Variants in PRKDC observed in about 807,000 individuals in gnomAD.
PRKDC encodes the protein DNA-dependent protein kinase catalytic subunit.
A neutral mutation model predicts 486.9 loss-of-function variants in PRKDC; 82 were observed. That is an observed-to-expected ratio of 0.17 (90% CI 0.14 to 0.20). The LOEUF is 0.20. Ranked by LOEUF, PRKDC falls within the 10% of genes least tolerant of loss-of-function variation. PRKDC has a pLI of 1.00. For missense variants in PRKDC, 4,504 were observed against 5,038.2 expected, an observed-to-expected ratio of 0.89 and a Z score of 3.21; for synonymous variants, 1,895 against 1,837.0, an observed-to-expected ratio of 1.03 and a Z score of -0.81.
At chr8:47,851,700 G>A (rs1352067214) in intron 52 of PRKDC, among the ~76,000 whole-genome samples, 1 of 152,192 alleles carries the variant, frequency 6.6e-6, no homozygotes, top group African/African-American at 2.4e-5. Context: ...TGGACGAGGC[G>A]GGCAGGGGAG....
intron 85 of PRKDC, among the ~76,000 whole-genome samples, chr8:47,775,528 C>T (rs1422497974): frequency 4.6e-5 from 7 of 150,648 alleles, no homozygotes; most frequent in African/African-American, 7.3e-5. Context: ...TGAGCCACTG[C>T]GCCCAGCCCT....
chr8:47,832,316 T>G (rs915895952), intron 59 of PRKDC, among the ~76,000 whole-genome samples: 1 of 152,076 alleles, frequency 6.6e-6, no homozygotes, highest in Non-Finnish European at 1.5e-5. Flanking sequence ...ACCGCAACAC[T>G]CCTAACCCGT....
chr8:47,938,541 TA>T (rs2090391407), intron 11 of PRKDC, among the ~76,000 whole-genome samples: 1 of 152,046 alleles, frequency 6.6e-6, no homozygotes, highest in African/African-American at 2.4e-5. Flanking sequence ...AGGAAATAAC[TA>T]GGGTTATTCT....
chr8:47,918,652 A>T (rs1167034794), intron 21 of PRKDC, among the ~76,000 whole-genome samples: 1 of 152,236 alleles, frequency 6.6e-6, no homozygotes, highest in Non-Finnish European at 1.5e-5. Flanking sequence ...GCTCCCACGC[A>T]TCACACTCGG....
chr8:47,926,651 TTTTTC>T (rs1463707306), intron 21 of PRKDC, among the ~76,000 whole-genome samples: 2 of 152,226 alleles, frequency 1.3e-5, no homozygotes, highest in African/African-American at 4.8e-5. Context: ...GAAGTCCTAC[TTTTTC>T]TTTTCTTGAC....
chr8:47,891,932 G>A (rs1368749061), intron 31 of PRKDC, among the ~76,000 whole-genome samples: 1 of 151,896 alleles, frequency 6.6e-6, no homozygotes, highest in Non-Finnish European at 1.5e-5. Flanking sequence ...GCTCTGGTGC[G>A]ATCTCAGCTC....
intron 68 of PRKDC, among the ~76,000 whole-genome samples, chr8:47,814,513 T>A (rs759831630): frequency 2.0e-5 from 3 of 152,080 alleles, no homozygotes; most frequent in Non-Finnish European, 4.4e-5. Context: ...AAAGTTAATA[T>A]ATAAAAAGCA....
rs1392918821 is a variant in PRKDC at position 47,785,218 on chromosome 8, A to G, written c.11002T>C (p.Leu3668=). Reference sequence around the variant, plus strand: ...GGCTTTGAGTCTTTGTTCATTTTTAAAAGTAGCATGTTGGTAATGTCGTTG... The same window carrying G: ...GGCTTTGAGTCTTTGTTCATTTTTAGAAGTAGCATGTTGGTAATGTCGTTG... ...DFNDITNMLL[L]KMNKDSKPPG... The change falls in exon 77 of 86, where the codon TTA becomes CTA. Residue 3668 remains leucine, a synonymous_variant. Transcript: ENST00000314191. 1.2e-6 allele frequency: 2 copies of G among 1,613,840 alleles called. No homozygotes were observed. The highest frequency in any genetic ancestry group is 1.7e-6 in the Non-Finnish European group (2 of 1,179,888).
chr8:47,829,946 C>T (rs2087825484), intron 61 of PRKDC, among the ~76,000 whole-genome samples: 1 of 152,004 alleles, frequency 6.6e-6, no homozygotes, highest in Non-Finnish European at 1.5e-5. Context: ...TCATATGGAA[C>T]CAAAAAAGAG....
chr8:47,868,308 A>G (rs1402772320), intron 40 of PRKDC, among the ~76,000 whole-genome samples: 1 of 152,004 alleles, frequency 6.6e-6, no homozygotes, highest in Non-Finnish European at 1.5e-5. Context: ...TTGTAATCCC[A>G]GCAATTTGGA....
At position 47,960,064 on chromosome 8, in the gene PRKDC, A is replaced by T; in HGVS notation, c.63T>A (p.Ala21=). ...SLLRLQETLS[A]ADRCGAALAG... is the part of the protein sequence containing the mutation. The stretch of plus-strand genomic sequence containing the variant: ...CCAGGGCAGCACCGCAGCGGTCCGC[A>T]GCGGACAAGGTCTCCTGCAGCCGCA... The change falls in exon 1 of 86, where the codon GCT becomes GCA. Residue 21 remains alanine (A), a synonymous_variant. Transcript: ENST00000314191. 1 of 1,532,236 alleles carries T rather than the reference A, an allele frequency of 6.5e-7. No individual in the cohort carries two copies. The highest frequency in any genetic ancestry group is 8.7e-7 in the Non-Finnish European group (1 of 1,145,772). 94.9% of individuals were successfully genotyped at this position (1,532,236 alleles called of 1,614,324 possible).
chr8:47,800,695 C>T, intron 71 of PRKDC, 98 bp downstream of exon 71: 1 of 1,123,804 alleles, frequency 8.9e-7, no homozygotes, highest in Admixed American at 3.8e-5. Flanking sequence ...ATTTTAAAAA[C>T]ACAAAGCAAC....
chr8:47,895,560 C>T (rs1589773319), intron 30 of PRKDC, among the ~76,000 whole-genome samples: 1 of 152,130 alleles, frequency 6.6e-6, no homozygotes, highest in African/African-American at 2.4e-5. Flanking sequence ...GTGGTCTGCC[C>T]ATAAGCAGCT....
At chr8:47,893,097 T>G in intron 31 of PRKDC, 42 bp downstream of exon 31, 2 of 1,516,144 alleles carry the variant, frequency 1.3e-6, no homozygotes, top group Non-Finnish European at 1.8e-6. Context: ...AGGGTGACTC[T>G]GGCAGCACGA....
intron 40 of PRKDC, 83 bp downstream of exon 40, chr8:47,877,641 C>CA: frequency 7.9e-7 from 1 of 1,263,210 alleles, no homozygotes; most frequent in Middle Eastern, 2.1e-4. Flanking sequence ...TGCCACTCAG[C>CA]TTTTTTTTTG....
chr8:47,913,794 A>G, intron 24 of PRKDC, 107 bp downstream of exon 24: 1 of 1,146,520 alleles, frequency 8.7e-7, no homozygotes, highest in Non-Finnish European at 1.2e-6. Flanking sequence ...AGAAAATACA[A>G]AATTACTAAT....
intron 40 of PRKDC, 92 bp downstream of exon 40, chr8:47,877,632 G>A (rs1205613050): frequency 8.0e-7 from 1 of 1,253,232 alleles, no homozygotes; most frequent in African/African-American, 1.5e-5. Context: ...GAATATAATT[G>A]CCACTCAGCT....
intron 58 of PRKDC, among the ~76,000 whole-genome samples, chr8:47,835,986 C>T (rs987959377): frequency 6.6e-6 from 1 of 152,058 alleles, no homozygotes; most frequent in Non-Finnish European, 1.5e-5. Flanking sequence ...CAGGCTGGTG[C>T]GGAACTCCTG....
At chr8:47,776,714 T>A in intron 85 of PRKDC, 130 bp downstream of exon 85, 1 of 1,272,092 alleles carries the variant, frequency 7.9e-7, no homozygotes, top group Non-Finnish European at 1.1e-6. Context: ...CCTGCTTTCC[T>A]CCTCAATGAA....
Sources: gnomAD v4.1 joint callset for allele counts (sites outside exome capture counted in the v4.1 genomes callset) on GRCh38, gnomAD v4.1.1 for gene constraint, MANE v1.5 for transcripts, NCBI Gene and HGNC (gene_info 2026-07-23, HGNC 2026-07-21) for gene names.